Variants in VAMP4 observed in about 807,000 individuals in gnomAD.
VAMP4 encodes vesicle associated membrane protein 4, also known as vesicle-associated membrane protein 4.
In VAMP4, 19 loss-of-function variants were observed where a neutral mutation model predicts 23.5. The observed-to-expected ratio is 0.81, with a 90% CI of 0.56 to 1.19. VAMP4 has a LOEUF of 1.19. VAMP4 is among the 50% of genes most tolerant of loss of function. The pLI is 0.00. For missense variants in VAMP4, 145 were observed against 168.6 expected, an observed-to-expected ratio of 0.86 and a Z score of 0.78; for synonymous variants, 31 against 51.0, an observed-to-expected ratio of 0.61 and a Z score of 1.67.
intron 2 of VAMP4, among the ~76,000 whole-genome samples, chr1:171,733,975 A>G (rs1655646855): frequency 6.6e-6 from 1 of 152,194 alleles, no homozygotes; most frequent in African/African-American, 2.4e-5. Context: ...TTATATCAAT[A>G]TAAGGGAATA....
In VAMP4 at chr1:171,702,018, T is replaced by C. The variant is rs1410885115; in HGVS notation, c.*2488A>G. The stretch of plus-strand genomic sequence containing the variant: ...CTTGAATTTTTCTGTTGATCTTCAC[T>C]TGTTGTTAAATAATGATAGTTTTGA... On this transcript the variant is annotated 3_prime_UTR_variant, in exon 8 of 8. Coordinates refer to ENST00000236192, the MANE Select transcript of VAMP4 (RefSeq NM_003762.5). 1 of 152,106 alleles carries C rather than the reference T, an allele frequency of 6.6e-6. No individual in the cohort carries two copies. The highest frequency in any genetic ancestry group is 1.5e-5 in the Non-Finnish European group (1 of 67,956). The allele number at this position is 152,106 out of a possible 1,614,324, so 9.4% of individuals were successfully genotyped here.
At chr1:171,741,414 AC>A (rs1339860469) in intron 1 of VAMP4, among the ~76,000 whole-genome samples, 1 of 150,828 alleles carries the variant, frequency 6.6e-6, no homozygotes, top group Non-Finnish European at 1.5e-5. Flanking sequence ...GTAACGATTC[AC>A]CCCCACCTTC....
chr1:171,724,719 T>A (rs1655310960), intron 3 of VAMP4, among the ~76,000 whole-genome samples: 1 of 152,174 alleles, frequency 6.6e-6, no homozygotes, highest in Non-Finnish European at 1.5e-5. Context: ...ACAAGATGAT[T>A]CTAAAATTTA....
In VAMP4 at chr1:171,738,425, T is replaced by C. The variant is rs1429604999; in HGVS notation, c.-11A>G. ...AAACTTGGGAGGCATATTTTTTACT[T>C]GCAAAGTATCTTTTGCTTCTCAACA... On this transcript the variant is annotated 5_prime_UTR_variant, in exon 2 of 8. Transcript: ENST00000236192. 14 of 1,613,880 alleles carry C rather than the reference T, an allele frequency of 8.7e-6. No homozygotes were observed. The highest frequency in any genetic ancestry group is 1.2e-5 in the Non-Finnish European group (14 of 1,179,886).
intron 4 of VAMP4, among the ~76,000 whole-genome samples, chr1:171,717,238 T>C (rs1224904521): frequency 6.6e-6 from 1 of 152,128 alleles, no homozygotes; most frequent in Non-Finnish European, 1.5e-5. Context: ...AGGCCTCTTC[T>C]CCAGTGGCAG....
At chr1:171,736,497 G>A (rs1314823464) in intron 2 of VAMP4, among the ~76,000 whole-genome samples, 1 of 152,170 alleles carries the variant, frequency 6.6e-6, no homozygotes. Context: ...CAAAATGGTT[G>A]AAACTGCACC....
intron 2 of VAMP4, among the ~76,000 whole-genome samples, chr1:171,734,525 T>C (rs1655674117): frequency 6.6e-6 from 1 of 152,182 alleles, no homozygotes; most frequent in Non-Finnish European, 1.5e-5. Context: ...AAATTGATTG[T>C]GGTGATTGTT....
chr1:171,705,527 C>A (rs1014777306), intron 7 of VAMP4, among the ~76,000 whole-genome samples: 1 of 152,178 alleles, frequency 6.6e-6, no homozygotes, highest in Middle Eastern at 3.4e-3. Context: ...GGGGGACTTA[C>A]AATTTTTTGT....
chr1:171,724,830 C>G (rs780429817), intron 3 of VAMP4, among the ~76,000 whole-genome samples: 1 of 152,012 alleles, frequency 6.6e-6, no homozygotes, highest in East Asian at 1.9e-4. Flanking sequence ...ACTATAAAGT[C>G]GTAGTACTCA....
chr1:171,741,137 T>C (rs1655909050), intron 1 of VAMP4, among the ~76,000 whole-genome samples: 1 of 152,244 alleles, frequency 6.6e-6, no homozygotes, highest in Admixed American at 6.5e-5. Context: ...ACCACCACTA[T>C]ACAATTCACT....
chr1:171,730,029 C>A (rs1332128516), intron 2 of VAMP4, among the ~76,000 whole-genome samples: 2 of 152,040 alleles, frequency 1.3e-5, no homozygotes, highest in Non-Finnish European at 2.9e-5. Flanking sequence ...GGGGTATGAG[C>A]CTAAAAAGGT....
chr1:171,709,833 C>T (rs1468928398), intron 5 of VAMP4, 89 bp from the exon 6 acceptor site: 1 of 1,050,216 alleles, frequency 9.5e-7, no homozygotes. Context: ...ATATTAATTT[C>T]TACTTCTGCA....
intron 7 of VAMP4, among the ~76,000 whole-genome samples, chr1:171,706,038 T>C (rs1222513122): frequency 2.6e-5 from 4 of 152,008 alleles, no homozygotes; most frequent in African/African-American, 9.7e-5. Flanking sequence ...CTTAGTGTAA[T>C]AGGAACCAGA....
chr1:171,727,580 C>T (rs139462960), intron 3 of VAMP4, among the ~76,000 whole-genome samples: 274 of 152,284 alleles, frequency 1.8e-3, no homozygotes, highest in African/African-American at 6.3e-3. Flanking sequence ...ACCAACCATT[C>T]TACTCCTAGG....
intron 4 of VAMP4, among the ~76,000 whole-genome samples, chr1:171,718,299 A>C (rs1045679900): frequency 6.6e-6 from 1 of 152,016 alleles, no homozygotes; most frequent in Admixed American, 6.6e-5. Context: ...TCATTATAGA[A>C]CCCTTCCCAC....
chr1:171,730,601 G>T (rs548683261), intron 2 of VAMP4, among the ~76,000 whole-genome samples: 25 of 152,058 alleles, frequency 1.6e-4, no homozygotes, highest in African/African-American at 5.8e-4. Context: ...TAAAACAATG[G>T]AAGGGCCTTA....
chr1:171,724,214 A>G (rs373837606), intron 3 of VAMP4, among the ~76,000 whole-genome samples: 1 of 151,876 alleles, frequency 6.6e-6, no homozygotes, highest in African/African-American at 2.4e-5. Flanking sequence ...TGAGCAAACT[A>G]TCGCAAAGAC....
At chr1:171,733,952 C>T (rs528919952) in intron 2 of VAMP4, among the ~76,000 whole-genome samples, 2 of 152,056 alleles carry the variant, frequency 1.3e-5, no homozygotes, top group East Asian at 3.9e-4. Flanking sequence ...GATAAATGGG[C>T]AAACCAAATG....
At chr1:171,707,422 A>AC (rs1421728541) in intron 6 of VAMP4, among the ~76,000 whole-genome samples, 1 of 152,202 alleles carries the variant, frequency 6.6e-6, no homozygotes, top group East Asian at 1.9e-4. Flanking sequence ...TTTCCTCATG[A>AC]CCTGTTGTGA....
Sources: gnomAD v4.1 joint callset for allele counts (sites outside exome capture counted in the v4.1 genomes callset) on GRCh38, gnomAD v4.1.1 for gene constraint, MANE v1.5 for transcripts, NCBI Gene and HGNC (gene_info 2026-07-23, HGNC 2026-07-21) for gene names.